Variants in GOLM1 observed in about 807,000 individuals in gnomAD.
The protein encoded by GOLM1 is golgi membrane protein 1, also known as epididymis luminal protein 46.
Under a neutral mutation model 50.5 loss-of-function variants are expected in GOLM1, and 31 were observed. That is an observed-to-expected ratio of 0.61 (90% CI 0.46 to 0.83). The LOEUF (loss-of-function observed/expected upper bound fraction) is 0.83. Among genes scored for constraint, GOLM1 ranks in the 40% least tolerant of loss-of-function variants. The probability of loss-of-function intolerance (pLI) is 0.00; values close to 1 mark genes in which losing one functional copy is unlikely to be tolerated. For synonymous variants in GOLM1, 178 were observed against 192.8 expected (o/e 0.92, Z 0.64); for missense variants, 491 against 501.3 (o/e 0.98, Z 0.20).
At chr9:86,029,059 C>G (rs976712230) in intron 9 of GOLM1, among the ~76,000 whole-genome samples, 27 of 151,894 alleles carry the variant, frequency 1.8e-4, no homozygotes, top group African/African-American at 5.3e-4. Context: ...GGTTTTCACC[C>G]TGTTAGCCAG....
intron 3 of GOLM1, among the ~76,000 whole-genome samples, chr9:86,075,610 T>A (rs544910529): frequency 6.6e-6 from 1 of 152,286 alleles, no homozygotes; most frequent in Admixed American, 6.5e-5. Context: ...ACTCACAAGT[T>A]CCATGCCTCC....
At position 86,027,826 on chromosome 9, in the gene GOLM1, A is replaced by G. The variant is rs1181236533; in HGVS notation, c.1197T>C (p.His399=). ...GTGATTCCAGTTCAATTCAGAGTGT[A>G]TGATTCCGCTTTTCACGCTGATCAA... ...NLLDQREKRN[H]TL Residue 399 remains histidine (H), a synonymous_variant, in exon 10 of 10, where the codon CAT becomes CAC. Coordinates refer to ENST00000388712, the MANE Select transcript of GOLM1 (RefSeq NM_016548.4). 2 of 1,613,256 alleles carry G rather than the reference A, an allele frequency of 1.2e-6. No individual in the cohort carries two copies. The highest frequency in any genetic ancestry group is 1.7e-6 in the Non-Finnish European group (2 of 1,179,458).
intron 4 of GOLM1, among the ~76,000 whole-genome samples, chr9:86,050,652 G>A (rs143586434): frequency 0.016 from 2,413 of 152,274 alleles, 69 homozygotes; most frequent in African/African-American, 0.055. Context: ...TATTTGCATA[G>A]AGGTGTTTAT....
chr9:86,092,365 C>G (rs1835211904), intron 1 of GOLM1, among the ~76,000 whole-genome samples: 1 of 152,224 alleles, frequency 6.6e-6, no homozygotes, highest in South Asian at 2.1e-4. Context: ...CAGTCCTCCT[C>G]TTTCCTTCTC....
At chr9:86,053,586 C>CACGG (rs1833867968) in intron 3 of GOLM1, among the ~76,000 whole-genome samples, 1 of 994 alleles carries the variant, frequency 1.0e-3, no homozygotes, top group African/African-American at 2.2e-3. Context: ...ACACCACACA[C>CACGG]CACACCACTC....
chr9:86,079,202 A>G lies in GOLM1; in HGVS notation c.119T>C (p.Val40Ala), dbSNP rs1466668259. 3 of 1,578,454 alleles carry G rather than the reference A, an allele frequency of 1.9e-6. No individual in the cohort carries two copies. The highest frequency in any genetic ancestry group is 2.6e-6 in the Non-Finnish European group (3 of 1,164,406). ...AAGAAAACAAAACACCTGGAGGTCC[A>G]CGCTCCGGGAGCTCGCAATCCAGTA... ...FNYWIASSRS[V>A]DLQTRIMELE... The change falls in exon 2 of 10, where the codon GTG becomes GCG. Residue 40 changes from valine to alanine, a missense_variant. Transcript: ENST00000388712.
intron 3 of GOLM1, among the ~76,000 whole-genome samples, chr9:86,073,954 T>C (rs1834530807): frequency 6.6e-6 from 1 of 152,162 alleles, no homozygotes; most frequent in South Asian, 2.1e-4. Flanking sequence ...CAGGTGTTTG[T>C]TCACATTTTC....
chr9:86,028,941 G>A (rs1015577298), intron 9 of GOLM1, among the ~76,000 whole-genome samples: 12 of 148,580 alleles, frequency 8.1e-5, no homozygotes, highest in African/African-American at 2.7e-4. Flanking sequence ...CTCCACCTCC[G>A]GGGTTCACGC....
intron 1 of GOLM1, among the ~76,000 whole-genome samples, chr9:86,087,595 ATTATT>A (rs1835020463): frequency 6.6e-6 from 1 of 152,144 alleles, no homozygotes; most frequent in Non-Finnish European, 1.5e-5. Context: ...AATAGCTCTT[ATTATT>A]TTGAGATACA....
Position 86,026,734 on chromosome 9 carries a change from T to C in GOLM1, c.*1083A>G, listed in dbSNP as rs1003705181. 9.2e-6 allele frequency: 9 copies of C among 982,170 alleles called. No homozygotes were observed. The highest frequency in any genetic ancestry group is 1.7e-5 in the African/African-American group (1 of 57,190). 60.8% of individuals were successfully genotyped at this position (982,170 alleles called of 1,614,324 possible). A position where few individuals can be genotyped will look rare whatever the true frequency, so the allele number is the denominator to read the frequency against. ...AAGTCAAACCTTAATGCCATTGTTA[T>C]TGTGAATTAGGATTAAGTAGTAATT... On this transcript the variant is annotated 3_prime_UTR_variant, in exon 10 of 10. Transcript: ENST00000388712.
At chr9:86,097,648 T>C (rs1469944649) in intron 1 of GOLM1, among the ~76,000 whole-genome samples, 1 of 152,180 alleles carries the variant, frequency 6.6e-6, no homozygotes, top group Non-Finnish European at 1.5e-5. Flanking sequence ...ACCTGTCTTC[T>C]TCTCAGCACA....
At chr9:86,066,196 C>A (rs1834303345) in intron 3 of GOLM1, among the ~76,000 whole-genome samples, 1 of 152,142 alleles carries the variant, frequency 6.6e-6, no homozygotes, top group African/African-American at 2.4e-5. Context: ...GGAAGTGACC[C>A]CATCCCAGGC....
Position 86,079,273 on chromosome 9 carries a change from G to C in GOLM1, c.48C>G (p.Leu16=). ...TGCAGGCCACCAGGGCGGCCAGCAC[G>C]AGGGGCGGCGACTTCATGCTGCGAC... ...NGRRSMKSPP[L]VLAALVACII... The change falls in exon 2 of 10, where the codon CTC becomes CTG. Residue 16 remains leucine (L), a synonymous_variant. Transcript: ENST00000388712. The C allele has an allele frequency of 6.2e-7, 1 of 1,609,710 alleles. No individual in the cohort carries two copies. The highest frequency in any genetic ancestry group is 8.5e-7 in the Non-Finnish European group (1 of 1,176,932).
Position 86,027,546 on chromosome 9 carries a change from T to G in GOLM1, c.*271A>C, listed in dbSNP as rs1160461752. On this transcript the variant is annotated 3_prime_UTR_variant, in exon 10 of 10. Coordinates refer to ENST00000388712, the MANE Select transcript of GOLM1 (RefSeq NM_016548.4). Reference sequence around the variant, plus strand: ...CTGTCGCCAACACTTGAAGGAGAACTATGTTCCAGTTTTGGTGTTGAACTT... The same window carrying G: ...CTGTCGCCAACACTTGAAGGAGAACGATGTTCCAGTTTTGGTGTTGAACTT... 1 of 1,242,792 alleles carries G rather than the reference T, an allele frequency of 8.0e-7. No individual in the cohort carries two copies. Among genetic ancestry groups the G allele is most frequent in the Non-Finnish European group, 1.0e-6 (1 of 991,628 alleles). 77.0% of individuals were successfully genotyped at this position (1,242,792 alleles called of 1,614,324 possible).
chr9:86,028,734 C>T (rs141029564), intron 9 of GOLM1, among the ~76,000 whole-genome samples: 257 of 152,322 alleles, frequency 1.7e-3, no homozygotes, highest in African/African-American at 5.8e-3. Flanking sequence ...GAAACCCATC[C>T]TCCCCACAAC....
intron 3 of GOLM1, among the ~76,000 whole-genome samples, chr9:86,065,610 G>A (rs1312015724): frequency 6.6e-6 from 1 of 152,132 alleles, no homozygotes; most frequent in Non-Finnish European, 1.5e-5. Flanking sequence ...AGCAGACCTG[G>A]CAGCCCCCGG....
At chr9:86,083,594 G>A (rs972585768) in intron 1 of GOLM1, among the ~76,000 whole-genome samples, 6 of 152,116 alleles carry the variant, frequency 3.9e-5, no homozygotes, top group African/African-American at 1.4e-4. Context: ...CACTATGTTG[G>A]CCAGGCTGGT....
chr9:86,074,232 AT>A (rs1269569146), intron 3 of GOLM1, among the ~76,000 whole-genome samples: 6 of 120,084 alleles, frequency 5.0e-5, no homozygotes, highest in Middle Eastern at 3.6e-3. Flanking sequence ...ACCTTCTAAG[AT>A]TTAAAAAAAA....
At chr9:86,043,193 CAT>C (rs1833415965) in intron 5 of GOLM1, among the ~76,000 whole-genome samples, 1 of 152,200 alleles carries the variant, frequency 6.6e-6, no homozygotes, top group Non-Finnish European at 1.5e-5. Flanking sequence ...CGGTTCATCT[CAT>C]GTGCTGACTC....
Sources: gnomAD v4.1 joint callset for allele counts (sites outside exome capture counted in the v4.1 genomes callset) on GRCh38, gnomAD v4.1.1 for gene constraint, MANE v1.5 for transcripts, NCBI Gene and HGNC (gene_info 2026-07-23, HGNC 2026-07-21) for gene names.